LRP1B: variants seen among roughly 807,000 people sequenced by gnomAD.
LRP1B encodes low-density lipoprotein receptor-related protein 1B.
Under a neutral mutation model 556.6 loss-of-function variants are expected in LRP1B, and 217 were observed. The observed-to-expected ratio is 0.39, with a 90% CI of 0.35 to 0.44. The LOEUF (loss-of-function observed/expected upper bound fraction) is 0.44, where lower values mean the gene tolerates loss of function less well. LRP1B is among the 20% of genes least tolerant of loss of function. The probability of loss-of-function intolerance (pLI) is 1.00; values close to 1 mark genes in which losing one functional copy is unlikely to be tolerated. For missense variants in LRP1B, 5,053 were observed against 5,620.8 expected (o/e 0.90, Z 3.23); for synonymous variants, 2,047 against 1,865.8 (o/e 1.10, Z -2.50).
chr2:141,522,485 T>C (rs1368154777), intron 2 of LRP1B, among the ~76,000 whole-genome samples: 1 of 152,102 alleles, frequency 6.6e-6, no homozygotes, highest in Non-Finnish European at 1.5e-5. Context: ...GAATAATTCA[T>C]TTATGAAGGT....
chr2:141,143,095 AT>A (rs575543412), intron 7 of LRP1B, among the ~76,000 whole-genome samples: 1 of 151,524 alleles, frequency 6.6e-6, no homozygotes, highest in African/African-American at 2.4e-5. Context: ...CGCCTGGCTA[AT>A]TTTTTTGTAT....
At chr2:141,388,940 A>T (rs977110953) in intron 3 of LRP1B, among the ~76,000 whole-genome samples, 7 of 152,218 alleles carry the variant, frequency 4.6e-5, no homozygotes, top group African/African-American at 7.2e-5. Flanking sequence ...AGTTTAGCCA[A>T]GGAGATGAAA....
At chr2:140,406,927 A>G (rs1019857987) in intron 66 of LRP1B, among the ~76,000 whole-genome samples, 1 of 152,308 alleles carries the variant, frequency 6.6e-6, no homozygotes, top group South Asian at 2.1e-4. Flanking sequence ...GCATTACAGT[A>G]CCAGACTTCA....
intron 7 of LRP1B, among the ~76,000 whole-genome samples, chr2:141,187,334 TAAGTA>T (rs1165780117): frequency 5.3e-5 from 8 of 152,088 alleles, no homozygotes; most frequent in African/African-American, 1.9e-4. Context: ...AATCAGACTT[TAAGTA>T]AAGAGTGACG....
At chr2:140,763,209 A>G (rs1421331838) in intron 35 of LRP1B, among the ~76,000 whole-genome samples, 1 of 152,170 alleles carries the variant, frequency 6.6e-6, no homozygotes, top group Non-Finnish European at 1.5e-5. Context: ...TCAATCTCTC[A>G]GCAGCTACTA....
intron 60 of LRP1B, among the ~76,000 whole-genome samples, chr2:140,462,012 T>C (rs1217324078): frequency 6.6e-6 from 1 of 152,116 alleles, no homozygotes; most frequent in South Asian, 2.1e-4. Flanking sequence ...ATATATTGAT[T>C]TGAAGGAAAT....
chr2:140,323,783 TACTGA>T, intron 81 of LRP1B, 105 bp downstream of exon 81: 1 of 494,594 alleles, frequency 2.0e-6, no homozygotes, highest in Non-Finnish European at 3.4e-6. Flanking sequence ...TTACTTAAGT[TACTGA>T]GGTTAAGACA....
At chr2:141,991,138 T>C (rs187725820) in intron 1 of LRP1B, among the ~76,000 whole-genome samples, 64 of 152,192 alleles carry the variant, frequency 4.2e-4, no homozygotes, top group African/African-American at 1.4e-3. Flanking sequence ...AAACACTTAG[T>C]TACACATGAA....
chr2:140,975,586 A>G (rs1257455143), intron 18 of LRP1B, among the ~76,000 whole-genome samples: 1 of 152,184 alleles, frequency 6.6e-6, no homozygotes, highest in Non-Finnish European at 1.5e-5. Flanking sequence ...TGGTGTTTCA[A>G]AATGGGTTGG....
chr2:140,533,488 T>C (rs745928560), intron 47 of LRP1B, among the ~76,000 whole-genome samples: 41 of 152,174 alleles, frequency 2.7e-4, no homozygotes, highest in Non-Finnish European at 4.1e-4. Context: ...ACTGATGACA[T>C]AGGGATGAAC....
intron 2 of LRP1B, among the ~76,000 whole-genome samples, chr2:141,658,396 A>C (rs1164995175): frequency 2.6e-5 from 4 of 152,194 alleles, no homozygotes; most frequent in Non-Finnish European, 1.5e-5. Flanking sequence ...CAGTGCTTAC[A>C]AGAGCTAAGT....
At chr2:141,963,829 G>T (rs1365277280) in intron 1 of LRP1B, among the ~76,000 whole-genome samples, 1 of 145,576 alleles carries the variant, frequency 6.9e-6, no homozygotes, top group Non-Finnish European at 1.5e-5. Context: ...CGACATGATT[G>T]TTTATCTAGA....
rs773322467 is a variant in LRP1B at position 141,013,587 on chromosome 2, C to T, written c.2349G>A (p.Gly783=). ...GCTTTCGTGGATCATAAATCTGAAG[C>T]CCAAATAGGGGTGGTCTTTCATGCC... The part of the protein sequence containing the change: ...LLRHERPPLF[G]LQIYDPRKQQ... Residue 783 remains glycine (G), a synonymous_variant, in exon 14 of 91, where the codon GGG becomes GGA. Coordinates refer to ENST00000389484, the MANE Select transcript of LRP1B (RefSeq NM_018557.3). 5 of 1,609,274 alleles carry T rather than the reference C, an allele frequency of 3.1e-6. No individual in the cohort carries two copies. Among genetic ancestry groups the T allele is most frequent in the East Asian group, 2.2e-5 (1 of 44,640 alleles).
intron 27 of LRP1B, among the ~76,000 whole-genome samples, chr2:140,862,852 C>T (rs956149064): frequency 3.9e-5 from 6 of 152,008 alleles, no homozygotes; most frequent in East Asian, 1.9e-4. Flanking sequence ...TGTTGAAGGC[C>T]GAAATAGAAT....
At chr2:141,026,483 T>C (rs1467200267) in intron 11 of LRP1B, among the ~76,000 whole-genome samples, 1 of 152,100 alleles carries the variant, frequency 6.6e-6, no homozygotes, top group Non-Finnish European at 1.5e-5. Context: ...AGTTAGAGAA[T>C]GTAAATCTTT....
At chr2:140,444,237 A>G (rs1573945515) in intron 65 of LRP1B, 93 bp downstream of exon 65, 1 of 1,337,710 alleles carries the variant, frequency 7.5e-7, no homozygotes, top group Non-Finnish European at 1.0e-6. Flanking sequence ...CAATTTATCT[A>G]CATCATATGA....
chr2:141,825,878 G>A (rs1394630615), intron 1 of LRP1B, among the ~76,000 whole-genome samples: 3 of 152,064 alleles, frequency 2.0e-5, no homozygotes, highest in Non-Finnish European at 2.9e-5. Context: ...TTTCAGAAGC[G>A]ACATAAATGC....
chr2:141,965,831 T>A (rs1420761335), intron 1 of LRP1B, among the ~76,000 whole-genome samples: 1 of 149,694 alleles, frequency 6.7e-6, no homozygotes, highest in African/African-American at 2.4e-5. Context: ...GTTTTTTTTT[T>A]AAGAAAATGC....
chr2:141,624,417 A>G (rs1403333923), intron 2 of LRP1B, among the ~76,000 whole-genome samples: 1 of 152,228 alleles, frequency 6.6e-6, no homozygotes, highest in Non-Finnish European at 1.5e-5. Flanking sequence ...TAGAATGTTG[A>G]TATTATTCTT....
Sources: gnomAD v4.1 joint callset for allele counts (sites outside exome capture counted in the v4.1 genomes callset) on GRCh38, gnomAD v4.1.1 for gene constraint, MANE v1.5 for transcripts, NCBI Gene and HGNC (gene_info 2026-07-23, HGNC 2026-07-21) for gene names.